Variants in ANKS1B observed in about 807,000 individuals in gnomAD.
ANKS1B encodes the protein ankyrin repeat and sterile alpha motif domain containing 1B.
ANKS1B carries 36 observed loss-of-function variants against 148.3 expected under a neutral mutation model. That is an observed-to-expected ratio of 0.24 (90% CI 0.19 to 0.32). The LOEUF is 0.32. ANKS1B is among the 10% of genes least tolerant of loss of function. The probability of loss-of-function intolerance (pLI) is 1.00; values close to 1 mark genes in which losing one functional copy is unlikely to be tolerated. For missense variants in ANKS1B, 1,157 were observed against 1,542.6 expected (o/e 0.75, Z 4.19); for synonymous variants, 542 against 560.8 (o/e 0.97, Z 0.47).
intron 12 of ANKS1B, among the ~76,000 whole-genome samples, chr12:99,378,174 A>G (rs1375735345): frequency 6.6e-6 from 1 of 152,190 alleles, no homozygotes; most frequent in Non-Finnish European, 1.5e-5. Context: ...CCTCCCTGTT[A>G]AACAATATAG....
intron 1 of ANKS1B, among the ~76,000 whole-genome samples, chr12:99,910,634 G>C (rs1565980797): frequency 6.6e-6 from 1 of 152,160 alleles, no homozygotes. Flanking sequence ...GACTGTGGTA[G>C]TGGTTTCACA....
chr12:99,452,122 A>G (rs1209014386), intron 10 of ANKS1B, among the ~76,000 whole-genome samples: 1 of 152,138 alleles, frequency 6.6e-6, no homozygotes, highest in African/African-American at 2.4e-5. Flanking sequence ...AGGCTACATG[A>G]TCTTTGTTGT....
At chr12:98,901,082 G>A (rs945720620) in intron 17 of ANKS1B, among the ~76,000 whole-genome samples, 17 of 152,104 alleles carry the variant, frequency 1.1e-4, no homozygotes, top group African/African-American at 4.1e-4. Flanking sequence ...ACTGCATGAG[G>A]TCAAGGACCT....
intron 17 of ANKS1B, among the ~76,000 whole-genome samples, chr12:98,933,253 C>T (rs959379423): frequency 1.3e-5 from 2 of 152,158 alleles, no homozygotes; most frequent in Non-Finnish European, 2.9e-5. Context: ...TGAATTTCTG[C>T]GACTAACTTA....
chr12:99,155,685 C>G (rs569497768), intron 14 of ANKS1B, among the ~76,000 whole-genome samples: 1 of 152,130 alleles, frequency 6.6e-6, no homozygotes, highest in African/African-American at 2.4e-5. Context: ...ATAGAACCCA[C>G]AGGACTAGAT....
intron 12 of ANKS1B, among the ~76,000 whole-genome samples, chr12:99,258,443 T>C (rs1404828570): frequency 1.3e-5 from 2 of 151,886 alleles, no homozygotes; most frequent in African/African-American, 4.8e-5. Context: ...AAAAAAAGCA[T>C]GCAAAATAAT....
chr12:99,043,480 A>T (rs1219366664), intron 17 of ANKS1B, among the ~76,000 whole-genome samples: 1 of 152,222 alleles, frequency 6.6e-6, no homozygotes, highest in Non-Finnish European at 1.5e-5. Flanking sequence ...AGGGTTCAGT[A>T]ACTTGCCCTG....
intron 20 of ANKS1B, among the ~76,000 whole-genome samples, chr12:98,804,841 ATCTCC>A (rs2099037613): frequency 6.6e-6 from 1 of 152,200 alleles, no homozygotes; most frequent in Non-Finnish European, 1.5e-5. Flanking sequence ...TAATACTTGC[ATCTCC>A]TCAGGCAAAT....
rs1328121502 is a variant in ANKS1B at position 98,751,712 on chromosome 12, T to C, written c.3580-190A>G. On this transcript the variant is annotated intron_variant, in intron 25 of 26. Transcript: ENST00000683438. The surrounding 1 kb of genome is among the most constrained non-coding windows in gnomAD (Gnocchi z 4.3). Reference sequence around the variant, plus strand: ...CCAACTTAGGGTTTACACCAGGCTTTAGTCATTTGTGAAAAGAAAAATCTT... The same window carrying C: ...CCAACTTAGGGTTTACACCAGGCTTCAGTCATTTGTGAAAAGAAAAATCTT... 6.6e-6 allele frequency among the ~76,000 whole-genome samples: 1 copy of C among 152,228 alleles called. No homozygotes were observed.
At chr12:98,861,530 T>G (rs768498750) in intron 17 of ANKS1B, among the ~76,000 whole-genome samples, 1 of 152,172 alleles carries the variant, frequency 6.6e-6, no homozygotes, top group African/African-American at 2.4e-5. Flanking sequence ...ACTGATTGCC[T>G]GGAATGGAGG....
intron 17 of ANKS1B, among the ~76,000 whole-genome samples, chr12:98,861,492 C>T (rs939858995): frequency 1.3e-5 from 2 of 152,172 alleles, no homozygotes; most frequent in Non-Finnish European, 2.9e-5. Flanking sequence ...AAACAGAAGA[C>T]TTCACTAGCT....
chr12:99,174,881 T>G (rs2078198471), intron 14 of ANKS1B, among the ~76,000 whole-genome samples: 1 of 152,194 alleles, frequency 6.6e-6, no homozygotes, highest in Non-Finnish European at 1.5e-5. Flanking sequence ...TGAATTCCTC[T>G]TCTTGCTTTT....
At chr12:99,428,222 G>A (rs764874826) in intron 11 of ANKS1B, among the ~76,000 whole-genome samples, 4 of 152,066 alleles carry the variant, frequency 2.6e-5, no homozygotes, top group Admixed American at 1.3e-4. Flanking sequence ...GTAGAGTCAA[G>A]GCACTGTAAA....
intron 17 of ANKS1B, among the ~76,000 whole-genome samples, chr12:98,965,215 T>C (rs1032035535): frequency 9.8e-5 from 15 of 152,354 alleles, no homozygotes; most frequent in African/African-American, 3.6e-4. Context: ...ATCGTGATCC[T>C]GGCTTCATGG....
intron 9 of ANKS1B, among the ~76,000 whole-genome samples, chr12:99,520,694 T>G (rs991980017): frequency 6.6e-6 from 1 of 152,180 alleles, no homozygotes; most frequent in Non-Finnish European, 1.5e-5. Flanking sequence ...CAATAACTCT[T>G]AGATTTGACC....
intron 5 of ANKS1B, among the ~76,000 whole-genome samples, chr12:99,781,117 T>C (rs1048377957): frequency 7.9e-5 from 12 of 151,474 alleles, no homozygotes; most frequent in Non-Finnish European, 1.0e-4. Flanking sequence ...GTTAGTTCAT[T>C]GTAAGATTAT....
At chr12:99,109,428 G>C (rs1033440404) in intron 15 of ANKS1B, among the ~76,000 whole-genome samples, 7 of 152,134 alleles carry the variant, frequency 4.6e-5, no homozygotes, top group Non-Finnish European at 8.8e-5. Flanking sequence ...GGGCTTTGGA[G>C]ACAGACACAC....
chr12:98,860,101 C>T (rs1322303185), intron 17 of ANKS1B, among the ~76,000 whole-genome samples: 1 of 152,228 alleles, frequency 6.6e-6, no homozygotes, highest in African/African-American at 2.4e-5. Flanking sequence ...TTTCAAAAAA[C>T]CTGTTCTGTT....
chr12:99,461,825 A>C (rs948235202), intron 10 of ANKS1B, among the ~76,000 whole-genome samples: 11 of 152,212 alleles, frequency 7.2e-5, no homozygotes. Flanking sequence ...AGGCTAACCC[A>C]TGTATTTCAT....
Sources: gnomAD v4.1 joint callset for allele counts (sites outside exome capture counted in the v4.1 genomes callset) on GRCh38, gnomAD v4.1.1 for gene constraint, Gnocchi (gnomAD v3.1) non-coding constraint, MANE v1.5 for transcripts, NCBI Gene and HGNC (gene_info 2026-07-23, HGNC 2026-07-21) for gene names.